Variants in WDR72 observed in about 807,000 individuals in gnomAD.
WDR72 encodes WD repeat-containing protein 72.
WDR72 carries 120 observed loss-of-function variants against 124.2 expected under a neutral mutation model. The observed-to-expected ratio is 0.97, with a 90% confidence interval of 0.83 to 1.12. WDR72 has a LOEUF of 1.12. Ranked by LOEUF, WDR72 falls within the 50% of genes most tolerant of loss-of-function variation. The probability of loss-of-function intolerance (pLI) is 0.00; values close to 1 mark genes in which losing one functional copy is unlikely to be tolerated. For missense variants in WDR72, 1,387 were observed against 1,278.8 expected, an observed-to-expected ratio of 1.08 and a Z score of -1.29; for synonymous variants, 452 against 441.7, an observed-to-expected ratio of 1.02 and a Z score of -0.29.
chr15:53,593,715 T>C (rs1295952082), intron 18 of WDR72, among the ~76,000 whole-genome samples: 1 of 150,886 alleles, frequency 6.6e-6, no homozygotes, highest in Non-Finnish European at 1.5e-5. Flanking sequence ...TGAGACAAGA[T>C]CACACCATTG....
chr15:53,564,064 A>T (rs1894215954), intron 18 of WDR72, among the ~76,000 whole-genome samples: 1 of 151,888 alleles, frequency 6.6e-6, no homozygotes, highest in Non-Finnish European at 1.5e-5. Context: ...CTTGAAATGC[A>T]GACCAATCAC....
At chr15:53,714,648 GA>G (rs1176566569) in intron 5 of WDR72, 138 bp from the exon 6 acceptor site, 2 of 680,900 alleles carry the variant, frequency 2.9e-6, no homozygotes, top group Non-Finnish European at 5.2e-6. Flanking sequence ...TTTTTAACTA[GA>G]AAAAATAAAC....
At chr15:53,722,035 TTTTTTA>T (rs2017890814) in intron 3 of WDR72, among the ~76,000 whole-genome samples, 1 of 86,374 alleles carries the variant, frequency 1.2e-5, no homozygotes, top group African/African-American at 2.8e-5. Flanking sequence ...TTTATTTTTA[TTTTTTA>T]TTTTTATTTA....
intron 18 of WDR72, among the ~76,000 whole-genome samples, chr15:53,582,175 T>G (rs1483246846): frequency 6.6e-6 from 1 of 152,010 alleles, no homozygotes; most frequent in Admixed American, 6.6e-5. Context: ...ATACTTGTGA[T>G]TTATGCCTAC....
chr15:53,696,294 G>T (rs900987860), intron 13 of WDR72, among the ~76,000 whole-genome samples: 11 of 152,176 alleles, frequency 7.2e-5, no homozygotes, highest in African/African-American at 2.2e-4. Context: ...AAATTGACTG[G>T]AGTAGGAAAT....
At chr15:53,574,253 C>G (rs1894672586) in intron 18 of WDR72, among the ~76,000 whole-genome samples, 1 of 152,164 alleles carries the variant, frequency 6.6e-6, no homozygotes, top group African/African-American at 2.4e-5. Context: ...GAAGTGAAAA[C>G]TGATTGAAGA....
chr15:53,518,983 A>G (rs1891630996), intron 19 of WDR72, among the ~76,000 whole-genome samples: 1 of 152,096 alleles, frequency 6.6e-6, no homozygotes, highest in African/African-American at 2.4e-5. Flanking sequence ...TGATGTGGAA[A>G]CACTTACGTA....
intron 18 of WDR72, among the ~76,000 whole-genome samples, chr15:53,536,500 G>C (rs1892772324): frequency 6.6e-6 from 1 of 152,074 alleles, no homozygotes; most frequent in South Asian, 2.1e-4. Flanking sequence ...GACCTCCAAA[G>C]AAAGGAAGGG....
intron 1 of WDR72, among the ~76,000 whole-genome samples, chr15:53,749,097 G>A (rs184545782): frequency 8.5e-5 from 13 of 152,218 alleles, no homozygotes; most frequent in African/African-American, 2.4e-4. Context: ...ATTAGAGCTC[G>A]AAGCCAAAAT....
At chr15:53,651,106 CTT>C (rs1288429019) in intron 14 of WDR72, among the ~76,000 whole-genome samples, 12 of 152,090 alleles carry the variant, frequency 7.9e-5, no homozygotes, top group Admixed American at 5.9e-4. Flanking sequence ...CCATACTCCT[CTT>C]GAGTCACACT....
intron 9 of WDR72, among the ~76,000 whole-genome samples, chr15:53,708,987 A>G (rs1438566142): frequency 6.6e-5 from 10 of 152,218 alleles, no homozygotes; most frequent in Admixed American, 6.5e-4. Context: ...GGCATTACAA[A>G]CAATAACTGA....
chr15:53,741,953 C>G (rs1249003940), intron 1 of WDR72, among the ~76,000 whole-genome samples: 2 of 152,172 alleles, frequency 1.3e-5, no homozygotes, highest in Non-Finnish European at 2.9e-5. Context: ...GTCTCAAACT[C>G]CTGACCTCAA....
At chr15:53,731,627 T>C (rs1403534664) in intron 2 of WDR72, among the ~76,000 whole-genome samples, 1 of 151,478 alleles carries the variant, frequency 6.6e-6, no homozygotes, top group Non-Finnish European at 1.5e-5. Context: ...GACTTGCTCC[T>C]AAGAGACCCA....
In WDR72 at chr15:53,556,037, A is replaced by T. The variant is rs571198774; in HGVS notation, c.3149-32715T>A. 2.4e-4 allele frequency among the ~76,000 whole-genome samples: 37 copies of T among 152,274 alleles called. No homozygotes were observed. The East Asian group carries it at 7.2e-3, about 29-fold the overall frequency. On this transcript the variant is annotated intron_variant, in intron 18 of 19. Coordinates refer to ENST00000360509, the MANE Select transcript of WDR72 (RefSeq NM_182758.4). ...AATATACAGTAAAATCTTTAAACAC[A>T]TTTTCTTTGAAAATAAATGTTTGGA...
chr15:53,723,926 A>C (rs2017947383), intron 2 of WDR72, among the ~76,000 whole-genome samples: 2 of 152,228 alleles, frequency 1.3e-5, no homozygotes. Flanking sequence ...TGCAGAAGCC[A>C]TGGACATGAA....
At chr15:53,687,546 G>T (rs1595850671) in intron 13 of WDR72, among the ~76,000 whole-genome samples, 2 of 151,078 alleles carry the variant, frequency 1.3e-5, no homozygotes, top group East Asian at 4.0e-4. Flanking sequence ...CCAATAACAG[G>T]ATCTGAAATT....
rs1189967160 is a variant in WDR72, at chr15:53,648,895, G to GA, written c.1962+16676dup. On this transcript the variant is annotated intron_variant, in intron 14 of 19. Coordinates refer to ENST00000360509, the MANE Select transcript of WDR72 (RefSeq NM_182758.4). ...GACTACCTTAAAAAAGTAAGAAGCA[G>GA]AAGAAACAAGACAAAAATCTCTGAA... Among the ~76,000 whole-genome samples, 3 of 132,082 alleles carry GA rather than the reference G, an allele frequency of 2.3e-5. No homozygotes were observed. In the East Asian group the frequency reaches 5.8e-4, roughly 25 times the overall value. 86.7% of individuals were successfully genotyped at this position (132,082 alleles called of 152,430 possible). A position where few individuals can be genotyped will look rare whatever the true frequency, so the allele number is the denominator to read the frequency against.
Position 53,665,766 on chromosome 15 carries a change from T to C in WDR72, c.1768A>G (p.Thr590Ala). ...SVYIWEIETGTLERHETGERA... is the reference protein window; with the variant it reads ...SVYIWEIETGALERHETGERA... ...TCTCCTGTCTCATGTCTTTCCAAAG[T>C]GCCTGGAAAACAAGATTAGAGGTAA... Residue 590 changes from threonine (T) to alanine (A), a missense_variant and splice_region_variant, in exon 14 of 20, where the codon ACT (threonine) becomes GCT (alanine). By Grantham distance (58) the Thr-to-Ala change is moderately conservative. Coordinates refer to ENST00000360509, the MANE Select transcript of WDR72 (RefSeq NM_182758.4). 1 of 1,613,572 alleles carries C rather than the reference T, an allele frequency of 6.2e-7. No homozygotes were observed. The highest frequency in any genetic ancestry group is 8.5e-7 in the Non-Finnish European group (1 of 1,179,754).
intron 18 of WDR72, among the ~76,000 whole-genome samples, chr15:53,550,154 C>T (rs572937823): frequency 3.2e-4 from 48 of 152,280 alleles, no homozygotes; most frequent in Admixed American, 1.2e-3. Context: ...CTTATGTTTG[C>T]TTCCCACTCT....
Sources: gnomAD v4.1 joint callset for allele counts (sites outside exome capture counted in the v4.1 genomes callset) on GRCh38, gnomAD v4.1.1 for gene constraint, MANE v1.5 for transcripts, NCBI Gene and HGNC (gene_info 2026-07-23, HGNC 2026-07-21) for gene names.